Variants in UTRN observed in about 807,000 individuals in gnomAD.
The protein encoded by UTRN is utrophin, also known as dystrophin-related protein 1.
Under a neutral mutation model 463.9 loss-of-function variants are expected in UTRN, and 283 were observed. That is an observed-to-expected ratio of 0.61 (90% CI 0.55 to 0.67). The LOEUF is 0.67. UTRN is among the 30% of genes least tolerant of loss of function. The pLI is 0.00. For synonymous variants in UTRN, 1,442 were observed against 1,431.5 expected (o/e 1.01, Z -0.17); for missense variants, 3,922 against 4,084.3 (o/e 0.96, Z 1.08).
chr6:144,635,814 C>T (rs1286989678), intron 51 of UTRN, among the ~76,000 whole-genome samples: 1 of 151,880 alleles, frequency 6.6e-6, no homozygotes, highest in Non-Finnish European at 1.5e-5. Flanking sequence ...TCTGGGAGTA[C>T]AGGTGTGAGC....
intron 53 of UTRN, among the ~76,000 whole-genome samples, chr6:144,714,262 C>A (rs1266415244): frequency 2.0e-5 from 3 of 152,132 alleles, no homozygotes; most frequent in Admixed American, 6.5e-5. Flanking sequence ...GTAATGACTT[C>A]AGATCCATAT....
At chr6:144,357,292 A>G (rs1014117011) in intron 2 of UTRN, among the ~76,000 whole-genome samples, 5 of 152,122 alleles carry the variant, frequency 3.3e-5, no homozygotes, top group Non-Finnish European at 5.9e-5. Context: ...ATGATATGTT[A>G]TTAGTATTCT....
At chr6:144,526,557 A>C (rs1796586201) in intron 41 of UTRN, among the ~76,000 whole-genome samples, 1 of 151,964 alleles carries the variant, frequency 6.6e-6, no homozygotes, top group Non-Finnish European at 1.5e-5. Flanking sequence ...CCTTTGCCTT[A>C]AGTTTATGTG....
chr6:144,661,687 C>G (rs996446532), intron 51 of UTRN, among the ~76,000 whole-genome samples: 1 of 152,090 alleles, frequency 6.6e-6, no homozygotes, highest in Non-Finnish European at 1.5e-5. Flanking sequence ...AGGTATAGAG[C>G]ATATGTTACA....
chr6:144,701,453 T>A (rs1274882949), intron 53 of UTRN, among the ~76,000 whole-genome samples: 1 of 152,230 alleles, frequency 6.6e-6, no homozygotes, highest in Non-Finnish European at 1.5e-5. Flanking sequence ...TGCAAATGTA[T>A]ACTTTTACTC....
intron 2 of UTRN, among the ~76,000 whole-genome samples, chr6:144,356,399 G>A (rs983405973): frequency 6.6e-5 from 10 of 152,140 alleles, no homozygotes; most frequent in African/African-American, 2.4e-4. Flanking sequence ...CAGATGTCTC[G>A]TAGGTGGCAA....
chr6:144,519,105 A>G (rs1333756803), intron 39 of UTRN, among the ~76,000 whole-genome samples: 1 of 152,164 alleles, frequency 6.6e-6, no homozygotes, highest in Non-Finnish European at 1.5e-5. Context: ...GACCTTTTCC[A>G]ATTTGTTTAC....
At chr6:144,702,985 A>T (rs1279094208) in intron 53 of UTRN, among the ~76,000 whole-genome samples, 1 of 152,190 alleles carries the variant, frequency 6.6e-6, no homozygotes, top group African/African-American at 2.4e-5. Context: ...ATCTAATATT[A>T]TGTAATAATA....
intron 51 of UTRN, among the ~76,000 whole-genome samples, chr6:144,661,891 T>A (rs1322239741): frequency 2.0e-5 from 3 of 152,176 alleles, no homozygotes; most frequent in Non-Finnish European, 4.4e-5. Flanking sequence ...CCCTTTTAAC[T>A]CCCATGTCTT....
intron 51 of UTRN, among the ~76,000 whole-genome samples, chr6:144,624,989 CAG>C (rs1484980939): frequency 2.0e-5 from 3 of 152,226 alleles, no homozygotes; most frequent in Admixed American, 6.5e-5. Context: ...ACCATTATAA[CAG>C]AGGAAAATAG....
chr6:144,479,465 A>G (rs770227280), intron 25 of UTRN, among the ~76,000 whole-genome samples: 1 of 151,890 alleles, frequency 6.6e-6, no homozygotes, highest in African/African-American at 2.4e-5. Flanking sequence ...TTTTTCCATT[A>G]TAAGTAGTGC....
In UTRN at chr6:144,523,120, C is replaced by G. The variant is rs771653885; in HGVS notation, c.5838C>G (p.Ile1946Met). ...CCTCTGGACCTGAAGCCATTCAGAT[C>G]AGAGATACACTTACTCAGCTGAATG... is the stretch of plus-strand genomic sequence containing the variant. ...LEASGPEAIQ[I>M]RDTLTQLNAK... Residue 1946 changes from isoleucine (I) to methionine (M), a missense_variant, in exon 41 of 75, where the codon ATC (isoleucine) becomes ATG (methionine). Ile to Met is a conservative substitution (Grantham distance 10). Around this residue, in one of 3 missense-constraint regions of UTRN, gnomAD observed 2,349 missense variants for 2,303.8 expected, o/e 1.02. Coordinates refer to ENST00000367545, the MANE Select transcript of UTRN (RefSeq NM_007124.3). 15 of 1,613,332 alleles carry G rather than the reference C, an allele frequency of 9.3e-6. No homozygotes were observed. The South Asian group carries it at 1.3e-4, about 14-fold the overall frequency.
Position 144,447,654 on chromosome 6 carries a change from A to G in UTRN, c.1775A>G (p.Glu592Gly). The stretch of plus-strand genomic sequence containing the variant: ...CGTCAAACATTGGATCAGCTGAGTG[A>G]GATTGGCCAGGATGTGGGACAATTA... The part of the protein sequence containing the change: ...MKRQTLDQLS[E>G]IGQDVGQLLD... Residue 592 changes from glutamate (E) to glycine (G), a missense_variant, in exon 16 of 75, where the codon GAG becomes GGG. Glu to Gly is a moderately conservative substitution (Grantham distance 98). Around this residue, in one of 3 missense-constraint regions of UTRN, gnomAD observed 2,349 missense variants for 2,303.8 expected, o/e 1.02. Transcript: ENST00000367545. 1 of 1,614,046 alleles carries G rather than the reference A, an allele frequency of 6.2e-7. No homozygotes were observed. The highest frequency in any genetic ancestry group is 8.5e-7 in the Non-Finnish European group (1 of 1,179,960).
intron 50 of UTRN, among the ~76,000 whole-genome samples, chr6:144,565,314 T>C (rs1466329002): frequency 6.6e-6 from 1 of 152,170 alleles, no homozygotes; most frequent in Non-Finnish European, 1.5e-5. Flanking sequence ...GTTAGATATC[T>C]AAGTATATAG....
At position 144,535,433 on chromosome 6, in the gene UTRN, A is replaced by C. The variant is rs138764636; in HGVS notation, c.6234-2149A>C. ...ATGTACCTGCTGGGAGGGTTTTAAC[A>C]ATAAATGCAGAAATTCTTCTAAAGG... On this transcript the variant is annotated intron_variant, in intron 43 of 74. Transcript: ENST00000367545. Among the ~76,000 whole-genome samples the C allele has an allele frequency of 1.7e-3, 261 of 152,328 alleles. 1 individual carries two copies. The highest frequency in any genetic ancestry group is 2.5e-3 in the Non-Finnish European group (172 of 68,034).
chr6:144,836,783 C>T (rs188439110), intron 71 of UTRN, among the ~76,000 whole-genome samples: 16 of 152,262 alleles, frequency 1.1e-4, no homozygotes, highest in Admixed American at 5.2e-4. Flanking sequence ...CAATGAAGTC[C>T]GCCTCAGCTC....
chr6:144,791,122 C>T lies in UTRN; in HGVS notation c.8920+1843C>T, dbSNP rs548660894. Among the ~76,000 whole-genome samples the T allele has an allele frequency of 1.5e-3, 224 of 152,180 alleles. 1 individual carries two copies. Among genetic ancestry groups the T allele is most frequent in the African/African-American group, 5.1e-3 (211 of 41,518 alleles). On this transcript the variant is annotated intron_variant, in intron 62 of 74. Transcript: ENST00000367545. ...TCCTGGGGTTTTATTTTGCTTTTTA[C>T]TTTGAGGACCTTCACCACTCTGATT...
At chr6:144,374,451 G>C (rs1185744862) in intron 2 of UTRN, among the ~76,000 whole-genome samples, 2 of 151,732 alleles carry the variant, frequency 1.3e-5, no homozygotes, top group Non-Finnish European at 2.9e-5. Context: ...AGACCAGCCT[G>C]GCCAATATGG....
intron 43 of UTRN, among the ~76,000 whole-genome samples, chr6:144,533,604 C>T (rs1188068421): frequency 6.6e-6 from 1 of 152,084 alleles, no homozygotes; most frequent in Non-Finnish European, 1.5e-5. Flanking sequence ...ATCAGACCTT[C>T]CCTTTGCTTA....
Sources: gnomAD v4.1 joint callset for allele counts (sites outside exome capture counted in the v4.1 genomes callset) on GRCh38, gnomAD v4.1.1 for gene constraint, gnomAD v4.1.1 regional missense constraint, MANE v1.5 for transcripts, NCBI Gene and HGNC (gene_info 2026-07-23, HGNC 2026-07-21) for gene names.